CHEK1: variants seen among roughly 807,000 people sequenced by gnomAD.
CHEK1 encodes checkpoint kinase 1.
A neutral mutation model predicts 60.2 loss-of-function variants in CHEK1; 32 were observed. That is an observed-to-expected ratio of 0.53 (90% CI 0.40 to 0.71). The LOEUF (loss-of-function observed/expected upper bound fraction) is 0.71. CHEK1 is among the 30% of genes least tolerant of loss of function. The probability of loss-of-function intolerance (pLI) is 0.00; values close to 1 mark genes in which losing one functional copy is unlikely to be tolerated. For missense variants in CHEK1, 399 were observed against 564.6 expected (o/e 0.71, Z 2.97); for synonymous variants, 179 against 187.2 (o/e 0.96, Z 0.36).
At chr11:125,673,281 C>T (rs189635102) in intron 13 of CHEK1, among the ~76,000 whole-genome samples, 17 of 151,818 alleles carry the variant, frequency 1.1e-4, no homozygotes, top group Non-Finnish European at 1.8e-4. Context: ...CTCAGCTCAC[C>T]GCAGCCTCCA....
Position 125,629,256 on chromosome 11 carries a change from C to T in CHEK1, c.314C>T (p.Pro105Leu). 1 of 1,614,124 alleles carries T rather than the reference C, an allele frequency of 6.2e-7. No homozygotes were observed. Among genetic ancestry groups the T allele is most frequent in the Non-Finnish European group, 8.5e-7 (1 of 1,179,990 alleles). The change falls in exon 4 of 13, where the codon CCA becomes CTA. Residue 105 changes from proline (P) to leucine (L), a missense_variant. By Grantham distance (98) the Pro-to-Leu change is moderately conservative. Around this residue, in one of 2 missense-constraint regions of CHEK1, gnomAD observed 370 missense variants for 494.8 expected, o/e 0.75. Transcript: ENST00000438015. ...RIEPDIGMPE[P>L]DAQRFFHQLM... Reference sequence around the variant, plus strand: ...GAGCCAGACATAGGCATGCCTGAACCAGATGCTCAGAGATTCTTCCATCAA... The same window carrying T: ...GAGCCAGACATAGGCATGCCTGAACTAGATGCTCAGAGATTCTTCCATCAA...
chr11:125,647,337 T>C (rs1183145922), intron 11 of CHEK1, among the ~76,000 whole-genome samples: 1 of 152,086 alleles, frequency 6.6e-6, no homozygotes, highest in Non-Finnish European at 1.5e-5. Flanking sequence ...ATTCTTTTTT[T>C]TTCCTTTTTT....
Position 125,626,801 on chromosome 11 carries a change from G to C in CHEK1, c.33G>C (p.Leu11Phe). MAVPFVEDWD[L>F]VQTLGEGAYG... ...TGCCCTTTGTGGAAGACTGGGACTT[G>C]GTGCAAACCCTGGGAGAAGGTGCCT... Residue 11 changes from leucine to phenylalanine, a missense_variant, in exon 2 of 13, where the codon TTG becomes TTC. Physicochemically the swap from Leu to Phe is conservative, Grantham distance 22. Transcript: ENST00000438015. 1 of 1,614,112 alleles carries C rather than the reference G, an allele frequency of 6.2e-7. No individual in the cohort carries two copies. The highest frequency in any genetic ancestry group is 1.1e-5 in the South Asian group (1 of 91,074).
chr11:125,640,681 C>T (rs985792157), intron 8 of CHEK1, among the ~76,000 whole-genome samples: 1 of 152,102 alleles, frequency 6.6e-6, no homozygotes, highest in Non-Finnish European at 1.5e-5. Context: ...ATGATCCTCC[C>T]ATCTCAGCTT....
At chr11:125,672,732 G>T (rs375301897) in intron 13 of CHEK1, 26 of 1,613,618 alleles carry the variant, frequency 1.6e-5, no homozygotes, top group African/African-American at 2.7e-5. Flanking sequence ...AAGGAGCAGA[G>T]ACAGACTAGT....
In CHEK1 at chr11:125,656,664, T is replaced by G. The variant is rs1013001066; in HGVS notation, c.*1344T>G. On this transcript the variant is annotated 3_prime_UTR_variant, in exon 13 of 13. Coordinates refer to ENST00000438015, the MANE Select transcript of CHEK1 (RefSeq NM_001114122.3). ...ACTGACTTGAACCTCTTCTGTAAGC[T>G]CTAACCTTTTACCTGCTTTACATTT... The G allele has an allele frequency of 1.9e-5, 4 of 215,962 alleles. No homozygotes were observed. The highest frequency in any genetic ancestry group is 3.7e-5 in the Non-Finnish European group (4 of 107,154). The allele number at this position is 215,962 out of a possible 1,614,324, so 13.4% of individuals were successfully genotyped here. A position where few individuals can be genotyped will look rare whatever the true frequency, so the allele number is the denominator to read the frequency against.
chr11:125,667,099 T>C (rs575291924), intron 13 of CHEK1, among the ~76,000 whole-genome samples: 1 of 152,258 alleles, frequency 6.6e-6, no homozygotes, highest in African/African-American at 2.4e-5. Context: ...GTGATCCTGT[T>C]ACCAAGGCAG....
downstream of CHEK1, chr11:125,676,312 G>A: frequency 3.7e-6 from 6 of 1,608,584 alleles, no homozygotes; most frequent in Non-Finnish European, 4.3e-6. Flanking sequence ...CCAGAAGTAA[G>A]TTGATGTGTT....
intron 13 of CHEK1, among the ~76,000 whole-genome samples, chr11:125,667,898 C>T (rs1164560604): frequency 1.3e-5 from 2 of 152,186 alleles, no homozygotes; most frequent in Admixed American, 6.5e-5. Flanking sequence ...GCTGGGATTA[C>T]AGGCATGAGC....
chr11:125,659,051 G>C (rs1733489765), downstream of CHEK1, among the ~76,000 whole-genome samples: 1 of 152,032 alleles, frequency 6.6e-6, no homozygotes, highest in Admixed American at 6.6e-5. Context: ...AGAATGTGAG[G>C]TAGAGATTAG....
chr11:125,680,316 G>T (rs61214748), downstream of CHEK1, among the ~76,000 whole-genome samples: 11,864 of 152,168 alleles, frequency 0.078, 715 homozygotes, highest in African/African-American at 0.17. Context: ...TAGCTCTGTC[G>T]TGTTCTGAGG....
rs1940575808 is a variant in CHEK1 at position 125,625,961 on chromosome 11, C to T, written c.-72C>T. 1.4e-6 allele frequency: 1 copy of T among 702,556 alleles called. No individual in the cohort carries two copies. 43.5% of individuals were successfully genotyped at this position (702,556 alleles called of 1,614,324 possible). On this transcript the variant is annotated 5_prime_UTR_variant, in exon 1 of 13. Transcript: ENST00000438015. Reference sequence around the variant, plus strand: ...GCAGCGTGACGCCCTCAAGTTTTGGCGGGAAAAGCGCTGCATTTGGATTCC... The same window carrying T: ...GCAGCGTGACGCCCTCAAGTTTTGGTGGGAAAAGCGCTGCATTTGGATTCC...
intron 11 of CHEK1, among the ~76,000 whole-genome samples, chr11:125,651,772 C>T (rs746463654): frequency 1.3e-5 from 2 of 152,198 alleles, no homozygotes; most frequent in Non-Finnish European, 2.9e-5. Flanking sequence ...GCTCACTGTT[C>T]TTACTGCGTT....
At chr11:125,667,203 A>G (rs1250440445) in intron 13 of CHEK1, among the ~76,000 whole-genome samples, 1 of 151,942 alleles carries the variant, frequency 6.6e-6, no homozygotes, top group Non-Finnish European at 1.5e-5. Context: ...TCTCATCTTT[A>G]CATTCATGTA....
At chr11:125,646,136 CTT>C (rs1458671573) in intron 11 of CHEK1, among the ~76,000 whole-genome samples, 2 of 152,230 alleles carry the variant, frequency 1.3e-5, no homozygotes, top group African/African-American at 4.8e-5. Context: ...TAGAATCACT[CTT>C]TATTCCTTTC....
At position 125,629,276 on chromosome 11, in the gene CHEK1, C is replaced by T. The variant is rs1383121355; in HGVS notation, c.334C>T (p.His112Tyr). 1.2e-6 allele frequency: 2 copies of T among 1,614,012 alleles called. No individual in the cohort carries two copies. The highest frequency in any genetic ancestry group is 1.3e-5 in the African/African-American group (1 of 74,920). Reference protein sequence around the residue: ...MPEPDAQRFFHQLMAGVVYLH... With the variant: ...MPEPDAQRFFYQLMAGVVYLH... Reference sequence around the variant, plus strand: ...TGAACCAGATGCTCAGAGATTCTTCCATCAACTCATGGCAGGGGTGGTAGG... The same window carrying T: ...TGAACCAGATGCTCAGAGATTCTTCTATCAACTCATGGCAGGGGTGGTAGG... The change falls in exon 4 of 13, where the codon CAT becomes TAT. Residue 112 changes from histidine to tyrosine, a missense_variant. Transcript: ENST00000438015.
At chr11:125,635,703 G>T in intron 7 of CHEK1, 170 bp downstream of exon 7, 1 of 422,632 alleles carries the variant, frequency 2.4e-6, no homozygotes. Context: ...TAACTCTTTA[G>T]TCCCAGAACT....
intron 9 of CHEK1, 32 bp downstream of exon 9, chr11:125,643,932 T>C (rs763755021): frequency 1.3e-6 from 2 of 1,578,998 alleles, no homozygotes; most frequent in Non-Finnish European, 8.7e-7. Flanking sequence ...TAGTTTTTGA[T>C]TGTAGTATTC....
At chr11:125,681,036 G>T, downstream of CHEK1, 1 of 304,402 alleles carries the variant, frequency 3.3e-6, no homozygotes, top group African/African-American at 2.2e-5. The surrounding 1 kb of genome is among the most constrained non-coding windows in gnomAD (Gnocchi z 4.2). Flanking sequence ...GTGCAGGGTA[G>T]TGTGTTGGGG....
Sources: allele counts gnomAD v4.1 joint callset (sites outside exome capture counted in the v4.1 genomes callset), GRCh38; gene constraint gnomAD v4.1.1; regional missense constraint gnomAD v4.1.1; non-coding constraint Gnocchi (gnomAD v3.1); transcripts MANE v1.5; gene names NCBI Gene and HGNC (gene_info 2026-07-23, HGNC 2026-07-21).